The following TBC1D8 variants were observed in gnomAD, a reference collection of about 807,000 sequenced individuals.
The protein encoded by TBC1D8 is BUB2-like protein 1.
A neutral mutation model predicts 118.8 loss-of-function variants in TBC1D8; 65 were observed. That is an observed-to-expected ratio of 0.55 (90% CI 0.45 to 0.67). The LOEUF is 0.67. Ranked by LOEUF, TBC1D8 falls within the 30% of genes least tolerant of loss-of-function variation. The pLI is 0.00. For missense variants in TBC1D8, 1,376 were observed against 1,471.2 expected, an observed-to-expected ratio of 0.94 and a Z score of 1.06; for synonymous variants, 566 against 595.8, an observed-to-expected ratio of 0.95 and a Z score of 0.73.
intron 1 of TBC1D8, among the ~76,000 whole-genome samples, chr2:101,129,068 T>C (rs1361382791): frequency 3.9e-5 from 6 of 152,252 alleles, no homozygotes. Flanking sequence ...TAATGCCACT[T>C]AAAAATGGTT....
At position 101,033,602 on chromosome 2, in the gene TBC1D8, G is replaced by C; in HGVS notation, c.1760C>G (p.Ala587Gly). Residue 587 changes from alanine (A) to glycine (G), a missense_variant, in exon 10 of 20, where the codon GCT becomes GGT. Ala to Gly is a moderately conservative substitution (Grantham distance 60). Transcript: ENST00000409318. ...PAFQNETGIA[A>G]LRRVLTAYAH... is the part of the protein sequence containing the mutation. ...ATAGGCCGTCAAGACTCTCCTCAAA[G>C]CAGCAATTCCCGTTTCGTTCTGGAA... 1 of 1,613,906 alleles carries C rather than the reference G, an allele frequency of 6.2e-7. No homozygotes were observed. Among genetic ancestry groups the C allele is most frequent in the Non-Finnish European group, 8.5e-7 (1 of 1,179,878 alleles).
chr2:101,120,519 A>T (rs1678053967), intron 1 of TBC1D8, among the ~76,000 whole-genome samples: 1 of 152,180 alleles, frequency 6.6e-6, no homozygotes, highest in Non-Finnish European at 1.5e-5. Flanking sequence ...CGAAGCAGGG[A>T]CCTTTGTTAT....
At chr2:101,070,837 A>G (rs963272068) in intron 2 of TBC1D8, among the ~76,000 whole-genome samples, 1 of 152,182 alleles carries the variant, frequency 6.6e-6, no homozygotes, top group Non-Finnish European at 1.5e-5. Flanking sequence ...ACAATTACAA[A>G]CCTAAAAATG....
At chr2:101,088,996 G>C (rs975678069) in intron 2 of TBC1D8, among the ~76,000 whole-genome samples, 1 of 152,034 alleles carries the variant, frequency 6.6e-6, no homozygotes, top group Non-Finnish European at 1.5e-5. Flanking sequence ...GATTAGTATT[G>C]GATCCATGGG....
Position 101,069,003 on chromosome 2 carries a change from G to GAAA in TBC1D8, c.284-9467_284-9465dup, listed in dbSNP as rs146651880. On this transcript the variant is annotated intron_variant, in intron 2 of 19. Coordinates refer to ENST00000409318, the MANE Select transcript of TBC1D8 (RefSeq NM_001330348.2). ...CGACAAGAGCAAGACTCCGTTTCAA[G>GAAA]AAAAAAAAAAAAAAAGGCCAGGCAT... Among the ~76,000 whole-genome samples the GAAA allele has an allele frequency of 1.1e-4, 10 of 93,130 alleles. No homozygotes were observed. The East Asian group carries it at 1.6e-3, about 15-fold the overall frequency. The allele number at this position is 93,130 out of a possible 152,430, so 61.1% of individuals were successfully genotyped here.
At chr2:101,073,802 A>G (rs1431006924) in intron 2 of TBC1D8, among the ~76,000 whole-genome samples, 2 of 152,324 alleles carry the variant, frequency 1.3e-5, no homozygotes, top group Non-Finnish European at 1.5e-5. Context: ...CAGCTTCCTC[A>G]TATCTCTCAA....
At chr2:101,104,420 A>C (rs918547477) in intron 1 of TBC1D8, among the ~76,000 whole-genome samples, 6 of 152,254 alleles carry the variant, frequency 3.9e-5, no homozygotes, top group Non-Finnish European at 8.8e-5. Context: ...CTGGAGAAGA[A>C]GAACAAAGTT....
intron 2 of TBC1D8, among the ~76,000 whole-genome samples, chr2:101,072,992 A>G (rs1179256215): frequency 1.3e-5 from 2 of 152,204 alleles, no homozygotes; most frequent in Non-Finnish European, 2.9e-5. Flanking sequence ...TATTCAGTAA[A>G]TCATGCTATA....
chr2:101,091,664 G>T (rs1036236575), intron 1 of TBC1D8, among the ~76,000 whole-genome samples: 2 of 152,188 alleles, frequency 1.3e-5, no homozygotes, highest in African/African-American at 4.8e-5. Context: ...GTTCGAGGCT[G>T]CAGTGAGTAG....
chr2:101,084,545 T>A (rs890127866), intron 2 of TBC1D8, among the ~76,000 whole-genome samples: 1 of 151,928 alleles, frequency 6.6e-6, no homozygotes. Context: ...AGTGAGACTC[T>A]GTCTCAAAAA....
At chr2:101,109,119 T>A (rs4080660) in intron 1 of TBC1D8, among the ~76,000 whole-genome samples, 22,991 of 152,150 alleles carry the variant, frequency 0.15, 1,887 homozygotes, top group Middle Eastern at 0.25. Context: ...GTGCAAATGC[T>A]AACTGCCCCC....
chr2:101,014,002 C>G (rs1679429764), intron 17 of TBC1D8, among the ~76,000 whole-genome samples: 1 of 152,200 alleles, frequency 6.6e-6, no homozygotes, highest in Admixed American at 6.5e-5. Context: ...ATAGGAAAAT[C>G]AACTAAGTTA....
At chr2:101,145,713 A>C (rs1679292046) in intron 1 of TBC1D8, among the ~76,000 whole-genome samples, 1 of 152,252 alleles carries the variant, frequency 6.6e-6, no homozygotes, top group South Asian at 2.1e-4. Context: ...CTGGAGGCAC[A>C]GCATGAGCAC....
chr2:101,064,632 T>C (rs1682927271), intron 2 of TBC1D8, among the ~76,000 whole-genome samples: 1 of 152,158 alleles, frequency 6.6e-6, no homozygotes, highest in African/African-American at 2.4e-5. Context: ...TTCACCCACA[T>C]AAGAAGTCAA....
intron 1 of TBC1D8, among the ~76,000 whole-genome samples, chr2:101,134,326 T>C (rs1219895723): frequency 6.6e-6 from 1 of 152,100 alleles, no homozygotes; most frequent in African/African-American, 2.4e-5. Flanking sequence ...GCACCATCAA[T>C]ACTAATCAGA....
chr2:101,062,919 A>C (rs1033927421), intron 2 of TBC1D8, among the ~76,000 whole-genome samples: 5 of 152,082 alleles, frequency 3.3e-5, no homozygotes, highest in South Asian at 2.1e-4. Flanking sequence ...GGATTACAGG[A>C]GTGAGCCACC....
chr2:101,030,307 AAG>A (rs1376132605), intron 11 of TBC1D8, among the ~76,000 whole-genome samples: 1 of 152,218 alleles, frequency 6.6e-6, no homozygotes, highest in Non-Finnish European at 1.5e-5. Flanking sequence ...ATTCAAAAGA[AAG>A]AACTCTTGCA....
intron 2 of TBC1D8, among the ~76,000 whole-genome samples, chr2:101,065,021 C>T (rs953775476): frequency 1.3e-5 from 2 of 152,254 alleles, no homozygotes; most frequent in East Asian, 1.9e-4. Flanking sequence ...CACACTGAAA[C>T]GCACACACAA....
intron 1 of TBC1D8, among the ~76,000 whole-genome samples, chr2:101,104,296 A>G (rs571235460): frequency 6.6e-6 from 1 of 152,238 alleles, no homozygotes; most frequent in Non-Finnish European, 1.5e-5. Context: ...TCCCAATTTT[A>G]TCTACAGATT....
Sources: allele counts gnomAD v4.1 joint callset (sites outside exome capture counted in the v4.1 genomes callset), GRCh38; gene constraint gnomAD v4.1.1; transcripts MANE v1.5; gene names NCBI Gene and HGNC (gene_info 2026-07-23, HGNC 2026-07-21).